The following MTUS2 variants were observed in gnomAD, a reference collection of about 807,000 sequenced individuals.
MTUS2 encodes microtubule-associated tumor suppressor candidate 2.
A neutral mutation model predicts 114.1 loss-of-function variants in MTUS2; 40 were observed. The ratio of observed to expected loss-of-function variants is 0.35; its 90% CI spans 0.27 to 0.46. MTUS2 has a LOEUF of 0.46. Among genes scored for constraint, MTUS2 ranks in the 20% least tolerant of loss-of-function variants. The probability of loss-of-function intolerance (pLI) is 1.00; values close to 1 mark genes in which losing one functional copy is unlikely to be tolerated. For synonymous variants in MTUS2, 688 were observed against 672.0 expected, an observed-to-expected ratio of 1.02 and a Z score of -0.37; for missense variants, 1,679 against 1,705.4, an observed-to-expected ratio of 0.98 and a Z score of 0.27.
intron 2 of MTUS2, among the ~76,000 whole-genome samples, chr13:28,948,162 C>G (rs1388749032): frequency 1.3e-5 from 2 of 152,146 alleles, no homozygotes; most frequent in Non-Finnish European, 1.5e-5. Flanking sequence ...CTTCCAAAAT[C>G]TAAACTCATT....
At chr13:28,919,324 A>G (rs993674290) in intron 2 of MTUS2, among the ~76,000 whole-genome samples, 1 of 151,756 alleles carries the variant, frequency 6.6e-6, no homozygotes, top group African/African-American at 2.4e-5. Flanking sequence ...TTTTTGGTGG[A>G]TATTTTTTGC....
chr13:28,853,195 C>T lies in MTUS2; in HGVS notation c.-243+13345C>T, dbSNP rs187984687. 7.9e-5 allele frequency among the ~76,000 whole-genome samples: 12 copies of T among 152,174 alleles called. No individual in the cohort carries two copies. The East Asian group carries it at 1.2e-3, about 15-fold the overall frequency. ...GTTCAATGTATGAATGTGTGGTAGG[C>T]GGGGAGTTTAATTTTCAAGAGGTAA... On this transcript the variant is annotated intron_variant, in intron 2 of 15. Coordinates refer to ENST00000612955, the MANE Select transcript of MTUS2 (RefSeq NM_001033602.4).
intron 3 of MTUS2, among the ~76,000 whole-genome samples, chr13:29,027,543 G>GT (rs996066499): frequency 8.6e-5 from 13 of 151,812 alleles, no homozygotes; most frequent in East Asian, 5.8e-4. Context: ...GTTTGTTTAT[G>GT]TTTTTTTTGG....
chr13:29,138,871 A>G (rs879364190), intron 5 of MTUS2, among the ~76,000 whole-genome samples: 2 of 152,202 alleles, frequency 1.3e-5, no homozygotes, highest in Non-Finnish European at 2.9e-5. Context: ...GTGAAAAATT[A>G]TCAGTTATTT....
In MTUS2 at chr13:29,401,186, G is replaced by A. The variant is rs1363100960; in HGVS notation, c.3118-38797G>A. On this transcript the variant is annotated intron_variant, in intron 8 of 15. Transcript: ENST00000612955. ...CATTTTTAGTAGAGACGGTCTCACC[G>A]TGTCGGCCAGGCTGGTCTCAAACTC... Among the ~76,000 whole-genome samples the A allele has an allele frequency of 2.0e-5, 3 of 152,222 alleles. No individual in the cohort carries two copies. The East Asian group carries it at 5.8e-4, about 30-fold the overall frequency.
chr13:29,026,218 C>T lies in MTUS2; in HGVS notation c.1520C>T (p.Ala507Val). ...RESKEVTTSV[A>V]ENRNLLENAD... is the part of the protein sequence containing the mutation. Reference sequence around the variant, plus strand: ...AGCAAAGAGGTCACCACATCTGTTGCTGAAAACAGGAACCTTCTAGAGAAT... The same window carrying T: ...AGCAAAGAGGTCACCACATCTGTTGTTGAAAACAGGAACCTTCTAGAGAAT... Residue 507 changes from alanine (A) to valine (V), a missense_variant, in exon 3 of 16, where the codon GCT becomes GTT. By Grantham distance (64) the Ala-to-Val change is moderately conservative (BLOSUM62 0). Coordinates refer to ENST00000612955, the MANE Select transcript of MTUS2 (RefSeq NM_001033602.4). 6.2e-7 allele frequency: 1 copy of T among 1,613,988 alleles called. No homozygotes were observed. The highest frequency in any genetic ancestry group is 8.5e-7 in the Non-Finnish European group (1 of 1,179,884).
chr13:29,380,058 T>A (rs755862977), intron 8 of MTUS2, among the ~76,000 whole-genome samples: 3 of 152,144 alleles, frequency 2.0e-5, no homozygotes, highest in Non-Finnish European at 4.4e-5. Flanking sequence ...GTCTTGCAGA[T>A]GGAAATTGGA....
intron 7 of MTUS2, among the ~76,000 whole-genome samples, chr13:29,337,792 G>GTTTT (rs1566139464): frequency 1.0e-4 from 11 of 106,652 alleles, no homozygotes; most frequent in African/African-American, 1.7e-4. Context: ...TGTTTGTTTT[G>GTTTT]GTTTTTTTTT....
intron 2 of MTUS2, among the ~76,000 whole-genome samples, chr13:28,963,140 A>G (rs893112502): frequency 1.3e-5 from 2 of 152,186 alleles, no homozygotes; most frequent in African/African-American, 2.4e-5. Context: ...TCACGAGGTC[A>G]GGAGATCGAG....
At chr13:29,097,940 A>G (rs1890246804) in intron 4 of MTUS2, among the ~76,000 whole-genome samples, 1 of 152,210 alleles carries the variant, frequency 6.6e-6, no homozygotes, top group Non-Finnish European at 1.5e-5. Context: ...ATATATTTTT[A>G]TAAATATGTC....
chr13:28,857,082 C>T (rs1024036765), intron 2 of MTUS2, among the ~76,000 whole-genome samples: 3 of 152,196 alleles, frequency 2.0e-5, no homozygotes, highest in Non-Finnish European at 1.5e-5. Flanking sequence ...CCTGGTTTAC[C>T]TGGCAAGGGA....
At chr13:28,854,580 T>C (rs1185054454) in intron 2 of MTUS2, among the ~76,000 whole-genome samples, 2 of 152,184 alleles carry the variant, frequency 1.3e-5, no homozygotes, top group Admixed American at 6.5e-5. Flanking sequence ...AGCACAGAGA[T>C]CTTTAAACTT....
intron 5 of MTUS2, among the ~76,000 whole-genome samples, chr13:29,124,500 C>T (rs7331934): frequency 0.44 from 66,617 of 151,814 alleles, 15,864 homozygotes; most frequent in Non-Finnish European, 0.52. Flanking sequence ...GAATGGTGTA[C>T]CCACTATAGA....
intron 2 of MTUS2, among the ~76,000 whole-genome samples, chr13:28,942,012 A>G (rs1269089005): frequency 6.6e-6 from 1 of 152,226 alleles, no homozygotes; most frequent in Non-Finnish European, 1.5e-5. Context: ...GGACTACATT[A>G]AAGTGAAGAA....
At chr13:29,463,891 C>T (rs1879698946) in intron 9 of MTUS2, among the ~76,000 whole-genome samples, 1 of 152,192 alleles carries the variant, frequency 6.6e-6, no homozygotes, top group Non-Finnish European at 1.5e-5. Context: ...CCCAGCTACT[C>T]AGCAAGCTAA....
intron 2 of MTUS2, among the ~76,000 whole-genome samples, chr13:28,997,654 T>C (rs975953231): frequency 2.6e-5 from 4 of 152,162 alleles, no homozygotes; most frequent in African/African-American, 9.7e-5. Flanking sequence ...ATGGCCTTCT[T>C]TGTCTCTTTT....
At chr13:28,912,381 T>A (rs1219587174) in intron 2 of MTUS2, among the ~76,000 whole-genome samples, 1 of 152,132 alleles carries the variant, frequency 6.6e-6, no homozygotes, top group Admixed American at 6.6e-5. Flanking sequence ...TATCTATTCT[T>A]GTAGCAATAT....
At chr13:29,062,041 A>G (rs1247619753) in intron 4 of MTUS2, among the ~76,000 whole-genome samples, 2 of 152,148 alleles carry the variant, frequency 1.3e-5, no homozygotes, top group Non-Finnish European at 2.9e-5. Context: ...CTTGAGTGCA[A>G]TGATACGATC....
intron 7 of MTUS2, among the ~76,000 whole-genome samples, chr13:29,338,177 T>C (rs373993045): frequency 3.5e-4 from 54 of 152,308 alleles, no homozygotes; most frequent in African/African-American, 1.3e-3. Context: ...TCCCCGATAG[T>C]CTAGGGCTTG....
Sources: allele counts gnomAD v4.1 joint callset (sites outside exome capture counted in the v4.1 genomes callset), GRCh38; gene constraint gnomAD v4.1.1; transcripts MANE v1.5; gene names NCBI Gene and HGNC (gene_info 2026-07-23, HGNC 2026-07-21).